Variants in SDK1 observed in about 807,000 individuals in gnomAD.
SDK1 encodes the protein sidekick cell adhesion molecule 1.
In SDK1, 157 loss-of-function variants were observed where a neutral mutation model predicts 245.5. The ratio of observed to expected loss-of-function variants is 0.64; its 90% CI spans 0.56 to 0.73. The LOEUF (loss-of-function observed/expected upper bound fraction) is 0.73, where lower values mean the gene tolerates loss of function less well. Among genes scored for constraint, SDK1 ranks in the 30% least tolerant of loss-of-function variants. SDK1 has a pLI of 0.00. For synonymous variants in SDK1, 1,647 were observed against 1,278.5 expected, an observed-to-expected ratio of 1.29 and a Z score of -6.15; for missense variants, 3,583 against 3,002.3, an observed-to-expected ratio of 1.19 and a Z score of -4.52.
intron 5 of SDK1, among the ~76,000 whole-genome samples, chr7:3,889,696 G>C (rs1428153193): frequency 6.6e-6 from 1 of 152,140 alleles, no homozygotes; most frequent in African/African-American, 2.4e-5. Context: ...TTTTAGTAGA[G>C]ACAGGGTTTC....
chr7:3,858,913 A>G (rs1211490337), intron 5 of SDK1, among the ~76,000 whole-genome samples: 2 of 142,026 alleles, frequency 1.4e-5, no homozygotes, highest in Non-Finnish European at 3.0e-5. Flanking sequence ...CCCAGGCTGG[A>G]GTGCAGTGGC....
intron 19 of SDK1, among the ~76,000 whole-genome samples, chr7:4,064,426 A>C (rs576512731): frequency 2.0e-5 from 3 of 152,308 alleles, no homozygotes; most frequent in Non-Finnish European, 4.4e-5. Flanking sequence ...AAAAATGCTG[A>C]CAATCATGTG....
chr7:3,724,129 A>G (rs1778937446), intron 4 of SDK1, among the ~76,000 whole-genome samples: 1 of 151,832 alleles, frequency 6.6e-6, no homozygotes, highest in Non-Finnish European at 1.5e-5. Context: ...ATGCTCAGCT[A>G]ATTTGTTGTA....
Position 3,313,964 on chromosome 7 carries a change from T to A in SDK1, c.298+12080T>A, listed in dbSNP as rs140988364. On this transcript the variant is annotated intron_variant, in intron 1 of 44. Coordinates refer to ENST00000404826, the MANE Select transcript of SDK1 (RefSeq NM_152744.4). Reference sequence around the variant, plus strand: ...ATGTATGTGAGCAGGAGTTAATTCATCTAATGCCTCAGTGAATAAAGTGCT... The same window carrying A: ...ATGTATGTGAGCAGGAGTTAATTCAACTAATGCCTCAGTGAATAAAGTGCT... Among the ~76,000 whole-genome samples the A allele has an allele frequency of 2.0e-5, 3 of 152,354 alleles. No individual in the cohort carries two copies. The East Asian group carries it at 5.8e-4, about 29-fold the overall frequency.
At chr7:4,064,773 A>T (rs1159773159) in intron 19 of SDK1, among the ~76,000 whole-genome samples, 3 of 152,214 alleles carry the variant, frequency 2.0e-5, no homozygotes, top group Non-Finnish European at 4.4e-5. Flanking sequence ...CATGCAGGGA[A>T]CTGGAGGGCA....
In SDK1 at chr7:3,468,869, A is replaced by T. The variant is rs573692828; in HGVS notation, c.299-150211A>T. Among the ~76,000 whole-genome samples, 10 of 152,200 alleles carry T rather than the reference A, an allele frequency of 6.6e-5. No homozygotes were observed. The East Asian group carries it at 1.9e-3, about 29-fold the overall frequency. On this transcript the variant is annotated intron_variant, in intron 1 of 44. Coordinates refer to ENST00000404826, the MANE Select transcript of SDK1 (RefSeq NM_152744.4). The stretch of plus-strand genomic sequence containing the variant: ...AATTGGGATGCGATTTCTCCTATTC[A>T]TTGTCCTCTCATCAGTGATTTTTAG...
At chr7:4,078,576 G>T in intron 21 of SDK1, among the ~76,000 whole-genome samples, 1 of 152,168 alleles carries the variant, frequency 6.6e-6, no homozygotes, top group African/African-American at 2.4e-5. Flanking sequence ...ATTCCTCAGA[G>T]ATAGTGAGGT....
In SDK1 at chr7:4,160,903, G is replaced by A. The variant is rs192487114; in HGVS notation, c.4730-883G>A. Among the ~76,000 whole-genome samples the A allele has an allele frequency of 1.8e-3, 271 of 152,278 alleles. 8 individuals are homozygous for A. The highest frequency in any genetic ancestry group is 0.017 in the Admixed American group (258 of 15,294). On this transcript the variant is annotated intron_variant, in intron 31 of 44. Coordinates refer to ENST00000404826, the MANE Select transcript of SDK1 (RefSeq NM_152744.4). ...AGGTCCAGAGGAAAATCACAGAGCC[G>A]GTGACCCCGGGACCCAATCTTGGGT...
intron 2 of SDK1, among the ~76,000 whole-genome samples, chr7:3,637,135 T>A (rs548582809): frequency 6.6e-6 from 1 of 152,190 alleles, no homozygotes; most frequent in East Asian, 1.9e-4. Context: ...TCTTGCTCTG[T>A]CACCCAGGCT....
chr7:3,782,845 A>G (rs1780786161), intron 4 of SDK1, among the ~76,000 whole-genome samples: 1 of 152,218 alleles, frequency 6.6e-6, no homozygotes, highest in Non-Finnish European at 1.5e-5. Flanking sequence ...TAAGTCAGGA[A>G]TTGTCTGTAC....
chr7:3,753,004 G>C (rs192439400), intron 4 of SDK1, among the ~76,000 whole-genome samples: 2 of 152,026 alleles, frequency 1.3e-5, no homozygotes, highest in African/African-American at 2.4e-5. Flanking sequence ...AAAGATAAAG[G>C]GTAGCCCACG....
At chr7:3,596,051 T>G (rs1177148771) in intron 1 of SDK1, among the ~76,000 whole-genome samples, 1 of 151,906 alleles carries the variant, frequency 6.6e-6, no homozygotes, top group Non-Finnish European at 1.5e-5. Flanking sequence ...TGGTATGAAG[T>G]AGATGCTCAA....
intron 5 of SDK1, among the ~76,000 whole-genome samples, chr7:3,840,387 T>A (rs1780127159): frequency 6.6e-6 from 1 of 152,200 alleles, no homozygotes; most frequent in Non-Finnish European, 1.5e-5. Context: ...TACATGCCCA[T>A]GAAAATCACC....
At chr7:3,377,249 C>A (rs1781377551) in intron 1 of SDK1, among the ~76,000 whole-genome samples, 1 of 152,084 alleles carries the variant, frequency 6.6e-6, no homozygotes, top group Non-Finnish European at 1.5e-5. Flanking sequence ...TCATCTTGCT[C>A]CTTCCCTCCC....
At chr7:4,204,830 G>A (rs776440601) in intron 35 of SDK1, among the ~76,000 whole-genome samples, 3 of 152,220 alleles carry the variant, frequency 2.0e-5, no homozygotes, top group Non-Finnish European at 2.9e-5. Context: ...GGAGGGAGTA[G>A]CAGAGAATAG....
At chr7:3,597,929 C>CT (rs143697426) in intron 1 of SDK1, among the ~76,000 whole-genome samples, 4,975 of 152,112 alleles carry the variant, frequency 0.033, 248 homozygotes, top group African/African-American at 0.11. Flanking sequence ...TGGATGTATG[C>CT]TTTTTTTCCT....
At chr7:4,252,335 G>A (rs1050929886) in intron 44 of SDK1, among the ~76,000 whole-genome samples, 1 of 151,690 alleles carries the variant, frequency 6.6e-6, no homozygotes, top group Non-Finnish European at 1.5e-5. Flanking sequence ...GCGATAGTTT[G>A]CTGAGAATGA....
At chr7:3,614,908 A>G (rs1781720182) in intron 1 of SDK1, among the ~76,000 whole-genome samples, 1 of 144,190 alleles carries the variant, frequency 6.9e-6, no homozygotes, top group African/African-American at 2.5e-5. Context: ...ACCATTCTTT[A>G]AAATGAGCTT....
intron 1 of SDK1, among the ~76,000 whole-genome samples, chr7:3,304,790 C>A (rs903289176): frequency 1.3e-5 from 2 of 152,200 alleles, no homozygotes; most frequent in South Asian, 2.1e-4. Flanking sequence ...TGGAAACTCT[C>A]TAGCCCAGTG....
Sources: allele counts gnomAD v4.1 joint callset (sites outside exome capture counted in the v4.1 genomes callset), GRCh38; gene constraint gnomAD v4.1.1; transcripts MANE v1.5; gene names NCBI Gene and HGNC (gene_info 2026-07-23, HGNC 2026-07-21).